DPP10: variants seen among roughly 807,000 people sequenced by gnomAD.
DPP10 encodes dipeptidyl peptidase like 10.
Under a neutral mutation model 120.9 loss-of-function variants are expected in DPP10, and 33 were observed. The observed-to-expected ratio is 0.27, with a 90% CI of 0.21 to 0.37. The LOEUF is 0.37. Among genes scored for constraint, DPP10 ranks in the 10% least tolerant of loss-of-function variants. DPP10 has a pLI of 1.00. For synonymous variants in DPP10, 337 were observed against 326.1 expected (o/e 1.03, Z -0.36); for missense variants, 816 against 942.8 (o/e 0.87, Z 1.76).
chr2:115,739,677 G>T, intron 8 of DPP10, 62 bp from the exon 9 acceptor site: 1 of 1,536,154 alleles, frequency 6.5e-7, no homozygotes, highest in Non-Finnish European at 9.0e-7. Context: ...AAGGACAGAT[G>T]TTTGTGGGTC....
At chr2:115,576,975 A>G (rs2081708344) in intron 5 of DPP10, among the ~76,000 whole-genome samples, 1 of 152,232 alleles carries the variant, frequency 6.6e-6, no homozygotes, top group Non-Finnish European at 1.5e-5. Context: ...GACAAAATGA[A>G]TGCCACTGAA....
chr2:114,621,125 A>G (rs1012818831), intron 1 of DPP10, among the ~76,000 whole-genome samples: 1 of 152,106 alleles, frequency 6.6e-6, no homozygotes, highest in Non-Finnish European at 1.5e-5. Context: ...AATGAAACAC[A>G]TGGAAATAGG....
intron 1 of DPP10, among the ~76,000 whole-genome samples, chr2:115,242,739 G>T: frequency 1.4e-5 from 2 of 142,760 alleles, no homozygotes; most frequent in South Asian, 2.2e-4. Flanking sequence ...TTTTGGTTTT[G>T]ATTGGCGTTT....
At chr2:114,606,007 A>G (rs1692759436) in intron 1 of DPP10, among the ~76,000 whole-genome samples, 1 of 152,098 alleles carries the variant, frequency 6.6e-6, no homozygotes, top group Non-Finnish European at 1.5e-5. Context: ...ACTTGTTCAT[A>G]TTTCATTCAG....
chr2:114,722,827 C>A (rs921584467), intron 1 of DPP10, among the ~76,000 whole-genome samples: 5 of 149,556 alleles, frequency 3.3e-5, no homozygotes, highest in Non-Finnish European at 5.9e-5. Context: ...CTATTCCCAC[C>A]TGTAAAGCCT....
intron 1 of DPP10, among the ~76,000 whole-genome samples, chr2:114,969,371 T>G (rs1558936946): frequency 6.6e-6 from 1 of 152,244 alleles, no homozygotes. Flanking sequence ...CTTCCTTTAG[T>G]ATTTTGACAA....
intron 1 of DPP10, among the ~76,000 whole-genome samples, chr2:114,601,066 G>T (rs897573843): frequency 6.6e-6 from 1 of 151,776 alleles, no homozygotes; most frequent in Admixed American, 6.6e-5. Flanking sequence ...CCTATGTAAA[G>T]CCTGTTAGAA....
intron 1 of DPP10, among the ~76,000 whole-genome samples, chr2:114,654,955 G>A (rs1274773681): frequency 1.3e-5 from 2 of 152,128 alleles, no homozygotes; most frequent in East Asian, 3.9e-4. Flanking sequence ...GTTAATTTGG[G>A]TTCCATTTTT....
chr2:115,845,138 G>A lies in DPP10; in HGVS notation c.*2793G>A, dbSNP rs1426164614. On this transcript the variant is annotated 3_prime_UTR_variant, in exon 26 of 26. Transcript: ENST00000410059. The stretch of plus-strand genomic sequence containing the variant: ...TTACTTAAGCCATTGTCCTTCAAAT[G>A]TTGGGCTTGGAGACAGAAGTACCTT... 5 of 152,158 alleles carry A rather than the reference G, an allele frequency of 3.3e-5. No individual in the cohort carries two copies. Among genetic ancestry groups the A allele is most frequent in the Non-Finnish European group, 7.4e-5 (5 of 68,026 alleles). The allele number at this position is 152,158 out of a possible 1,614,324, so 9.4% of individuals were successfully genotyped here. A position where few individuals can be genotyped will look rare whatever the true frequency, so the allele number is the denominator to read the frequency against.
intron 5 of DPP10, among the ~76,000 whole-genome samples, chr2:115,612,489 TA>T (rs2084182229): frequency 2.0e-5 from 3 of 152,188 alleles, no homozygotes; most frequent in Admixed American, 6.5e-5. Flanking sequence ...ACATTATCAT[TA>T]TTGCATTTAC....
chr2:114,597,732 A>G (rs1692036059), intron 1 of DPP10, among the ~76,000 whole-genome samples: 1 of 151,902 alleles, frequency 6.6e-6, no homozygotes, highest in Non-Finnish European at 1.5e-5. Context: ...TGTAGTCTCA[A>G]AGATACCAGA....
At chr2:115,128,170 A>G (rs1056601243) in intron 1 of DPP10, among the ~76,000 whole-genome samples, 1 of 152,112 alleles carries the variant, frequency 6.6e-6, no homozygotes, top group Non-Finnish European at 1.5e-5. Flanking sequence ...TTTTTACTCA[A>G]TCAAAACCCT....
intron 3 of DPP10, among the ~76,000 whole-genome samples, chr2:115,445,120 G>C (rs576261649): frequency 6.6e-6 from 1 of 152,246 alleles, no homozygotes; most frequent in African/African-American, 2.4e-5. Context: ...GAAGGTACTT[G>C]CTTCTCCTTT....
intron 1 of DPP10, among the ~76,000 whole-genome samples, chr2:114,672,786 T>C (rs989387827): frequency 6.6e-6 from 1 of 152,200 alleles, no homozygotes; most frequent in East Asian, 1.9e-4. Context: ...CACAAGTAAT[T>C]TATCAGTGCT....
intron 1 of DPP10, among the ~76,000 whole-genome samples, chr2:115,036,706 CT>C (rs756171710): frequency 2.4e-4 from 36 of 152,182 alleles, no homozygotes; most frequent in Admixed American, 1.0e-3. Context: ...TTTTACTTCA[CT>C]GTTTTTTTCA....
intron 1 of DPP10, among the ~76,000 whole-genome samples, chr2:114,650,086 C>T (rs923620407): frequency 2.0e-5 from 3 of 152,110 alleles, no homozygotes; most frequent in Non-Finnish European, 4.4e-5. Context: ...CAAGTTTCAT[C>T]GTCTGATGTT....
intron 3 of DPP10, among the ~76,000 whole-genome samples, chr2:115,349,462 A>G (rs1044402487): frequency 2.0e-5 from 3 of 152,160 alleles, no homozygotes; most frequent in Admixed American, 6.6e-5. Context: ...AGTTAAAAAA[A>G]GAAAAGAAAA....
intron 1 of DPP10, among the ~76,000 whole-genome samples, chr2:115,181,215 C>T (rs182285705): frequency 2.3e-4 from 35 of 152,234 alleles, no homozygotes; most frequent in Non-Finnish European, 2.5e-4. Flanking sequence ...GAAATCATGA[C>T]GGAAGTTCTG....
chr2:114,534,206 T>C (rs939615271), intron 1 of DPP10, among the ~76,000 whole-genome samples: 1 of 152,180 alleles, frequency 6.6e-6, no homozygotes, highest in Admixed American at 6.5e-5. Flanking sequence ...CATTACCCTA[T>C]CCCTCTGAGA....
Sources: allele counts gnomAD v4.1 joint callset (sites outside exome capture counted in the v4.1 genomes callset), GRCh38; gene constraint gnomAD v4.1.1; transcripts MANE v1.5; gene names NCBI Gene and HGNC (gene_info 2026-07-23, HGNC 2026-07-21).